TUBA1A: variants seen among roughly 807,000 people sequenced by gnomAD.
The protein encoded by TUBA1A is tubulin alpha-1A chain.
A neutral mutation model predicts 34.6 loss-of-function variants in TUBA1A; 7 were observed. That is an observed-to-expected ratio of 0.20 (90% CI 0.11 to 0.38). TUBA1A has a LOEUF of 0.38. TUBA1A is among the 10% of genes least tolerant of loss of function. The pLI is 1.00. For missense variants in TUBA1A, 19 were observed against 581.3 expected, an observed-to-expected ratio of 0.03 and a Z score of 9.95; for synonymous variants, 193 against 210.2, an observed-to-expected ratio of 0.92 and a Z score of 0.71.
Position 49,188,270 on chromosome 12 carries a change from G to GT in TUBA1A, c.3+706dup, listed in dbSNP as rs879662791. The GT allele has an allele frequency of 4.8e-3, 6,406 of 1,340,800 alleles. 11 individuals are homozygous for GT. Among genetic ancestry groups the GT allele is most frequent in the South Asian group, 0.01 (603 of 59,656 alleles). The allele number at this position is 1,340,800 out of a possible 1,614,324, so 83.1% of individuals were successfully genotyped here. A position where few individuals can be genotyped will look rare whatever the true frequency, so the allele number is the denominator to read the frequency against. On this transcript the variant is annotated intron_variant, in intron 1 of 3. Transcript: ENST00000301071. This position sits in a 1 kb window ranked among gnomAD's most constrained non-coding sequence, Gnocchi z 4.9. ...TTCCGCAATGATGAAAGGTTTTTTTGTTTTTTTTTCAGTCAGCTCCTGACA... is the reference window on the plus strand; with the variant it reads ...TTCCGCAATGATGAAAGGTTTTTTTGTTTTTTTTTTCAGTCAGCTCCTGACA...
In TUBA1A at chr12:49,188,466, CG is replaced by C; in HGVS notation, c.3+510del. The C allele has an allele frequency of 6.5e-7, 1 of 1,535,548 alleles. No homozygotes were observed. Among genetic ancestry groups the C allele is most frequent in the Non-Finnish European group, 8.7e-7 (1 of 1,146,540 alleles). On this transcript the variant is annotated intron_variant, in intron 1 of 3. Transcript: ENST00000301071. This position sits in a 1 kb window ranked among gnomAD's most constrained non-coding sequence, Gnocchi z 4.9. The stretch of plus-strand genomic sequence containing the variant: ...TATCTTTCCAAAACGCCAAAGACCG[CG>C]GAGGGTCTTCCCACGCTAACCCTAG...
chr12:49,186,905 A>G lies in TUBA1A; in HGVS notation c.4-72T>C. ...CATTTCAAACTTATAGGAAATTTCA[A>G]AAATATTTCTAATAATATACAGATA... On this transcript the variant is annotated intron_variant, in intron 1 of 3. Transcript: ENST00000301071. This position sits in a 1 kb window ranked among gnomAD's most constrained non-coding sequence, Gnocchi z 6.6. The G allele has an allele frequency of 3.2e-6, 5 of 1,583,596 alleles. No individual in the cohort carries two copies. Among genetic ancestry groups the G allele is most frequent in the Non-Finnish European group, 4.3e-6 (5 of 1,166,430 alleles).
Position 49,188,011 on chromosome 12 carries a change from G to A in TUBA1A, c.3+966C>T. 1 of 969,592 alleles carries A rather than the reference G, an allele frequency of 1.0e-6. No homozygotes were observed. The highest frequency in any genetic ancestry group is 1.2e-6 in the Non-Finnish European group (1 of 826,446). The allele number at this position is 969,592 out of a possible 1,614,324, so 60.1% of individuals were successfully genotyped here. ...TCTCCCTCGCTGAACGTGCAGTCCA[G>A]ACAGACAGACAGACACACACACACA... On this transcript the variant is annotated intron_variant, in intron 1 of 3. Transcript: ENST00000301071. The surrounding 1 kb of genome is among the most constrained non-coding windows in gnomAD (Gnocchi z 4.9).
chr12:49,188,196 A>G lies in TUBA1A; in HGVS notation c.3+781T>C. On this transcript the variant is annotated intron_variant, in intron 1 of 3. Transcript: ENST00000301071. This position sits in a 1 kb window ranked among gnomAD's most constrained non-coding sequence, Gnocchi z 4.9. ...ATTATGATTTTGCTCAAGAAAAAAAAAAGTCATCTAACTTATAATAGTGAA... is the reference window on the plus strand; with the variant it reads ...ATTATGATTTTGCTCAAGAAAAAAAGAAGTCATCTAACTTATAATAGTGAA... The G allele has an allele frequency of 1.0e-6, 1 of 985,392 alleles. No homozygotes were observed. The highest frequency in any genetic ancestry group is 1.2e-6 in the Non-Finnish European group (1 of 829,914). 61.0% of individuals were successfully genotyped at this position (985,392 alleles called of 1,614,324 possible).
In TUBA1A at chr12:49,188,715, C is replaced by T. The variant is rs1000998665; in HGVS notation, c.3+262G>A. On this transcript the variant is annotated intron_variant, in intron 1 of 3. Coordinates refer to ENST00000301071, the MANE Select transcript of TUBA1A (RefSeq NM_006009.4). The surrounding 1 kb of genome is among the most constrained non-coding windows in gnomAD (Gnocchi z 4.9). ...CTGCCCGCGGCCCCCGAAAGTCTCT[C>T]GGATAACACAGGCGCCTAGGCGCCG... The T allele has an allele frequency of 5.5e-6, 8 of 1,443,314 alleles. No homozygotes were observed. Among genetic ancestry groups the T allele is most frequent in the African/African-American group, 1.4e-5 (1 of 69,744 alleles). The allele number at this position is 1,443,314 out of a possible 1,614,324, so 89.4% of individuals were successfully genotyped here.
intron 1 of TUBA1A, chr12:49,187,477 C>T: frequency 1.0e-6 from 1 of 986,326 alleles, no homozygotes; most frequent in African/African-American, 1.7e-5. Context: ...GCCAGTTTTC[C>T]TCCTCTGACC....
chr12:49,185,760 G>A lies in TUBA1A; in HGVS notation c.606C>T (p.Phe202=). ...CATAGATGGCCTCATTGTCTACCAT[G>A]AAGGCACAATCAGAGTGCTCCAGGG... ...HTTLEHSDCA[F]MVDNEAIYDI... is the part of the protein sequence containing the mutation. The change falls in exon 4 of 4, where the codon TTC becomes TTT. Residue 202 remains phenylalanine, a synonymous_variant. Coordinates refer to ENST00000301071, the MANE Select transcript of TUBA1A (RefSeq NM_006009.4). 1.9e-6 allele frequency: 3 copies of A among 1,614,046 alleles called. No homozygotes were observed. The highest frequency in any genetic ancestry group is 2.5e-6 in the Non-Finnish European group (3 of 1,180,014).
Position 49,186,990 on chromosome 12 carries a change from C to T in TUBA1A, c.4-157G>A. On this transcript the variant is annotated intron_variant, in intron 1 of 3. Transcript: ENST00000301071. This position sits in a 1 kb window ranked among gnomAD's most constrained non-coding sequence, Gnocchi z 6.6. ...CGATACAAAGATTAAGGAAAATCAC[C>T]TGCTACAAATGCTGCATATGGGTGT... The T allele has an allele frequency of 6.7e-7, 1 of 1,491,708 alleles. No homozygotes were observed. The highest frequency in any genetic ancestry group is 8.9e-7 in the Non-Finnish European group (1 of 1,127,422). The allele number at this position is 1,491,708 out of a possible 1,614,324, so 92.4% of individuals were successfully genotyped here.
intron 1 of TUBA1A, chr12:49,187,346 T>TCTGCATTG (rs771460353): frequency 2.6e-4 from 271 of 1,036,016 alleles, no homozygotes; most frequent in Non-Finnish European, 2.9e-4. Flanking sequence ...AGGTCTGCCT[T>TCTGCATTG]CTGCATTGCT....
chr12:49,188,077 G>GACACACAGAC lies in TUBA1A; in HGVS notation c.3+899_3+900insGTCTGTGTGT, dbSNP rs1555162714. ...GTCGGTCAGGGCAGGGCGTCCCACA[G>GACACACAGAC]ACACACACACACACACACACACACA... On this transcript the variant is annotated intron_variant, in intron 1 of 3. Transcript: ENST00000301071. The surrounding 1 kb of genome is among the most constrained non-coding windows in gnomAD (Gnocchi z 4.9). 2.3e-6 allele frequency: 2 copies of GACACACAGAC among 852,966 alleles called. No individual in the cohort carries two copies. The highest frequency in any genetic ancestry group is 4.7e-5 in the African/African-American group (2 of 42,248). The allele number at this position is 852,966 out of a possible 1,614,324, so 52.8% of individuals were successfully genotyped here. A position where few individuals can be genotyped will look rare whatever the true frequency, so the allele number is the denominator to read the frequency against.
Position 49,186,295 on chromosome 12 carries a change from T to C in TUBA1A, c.375+15A>G. On this transcript the variant is annotated intron_variant, in intron 3 of 3. Transcript: ENST00000301071. This position sits in a 1 kb window ranked among gnomAD's most constrained non-coding sequence, Gnocchi z 6.6. Reference sequence around the variant, plus strand: ...TAGGCTCATTAATTTACTTTATTCTTGAAAAGAAACATACCAGCTTGCGAA... The same window carrying C: ...TAGGCTCATTAATTTACTTTATTCTCGAAAAGAAACATACCAGCTTGCGAA... The C allele has an allele frequency of 6.2e-7, 1 of 1,612,902 alleles. No individual in the cohort carries two copies.
At position 49,185,895 on chromosome 12, in the gene TUBA1A, G is replaced by A. The variant is rs753969793; in HGVS notation, c.471C>T (p.Leu157=). Residue 157 remains leucine, a synonymous_variant, in exon 4 of 4, where the codon CTC becomes CTT. Transcript: ENST00000301071. The part of the protein sequence containing the change: ...SGFTSLLMER[L]SVDYGKKSKL... ...TGGACTTCTTGCCATAATCAACTGA[G>A]AGACGTTCCATGAGCAGCGAGGTGA... 14 of 1,614,042 alleles carry A rather than the reference G, an allele frequency of 8.7e-6. No individual in the cohort carries two copies. The highest frequency in any genetic ancestry group is 1.2e-5 in the Non-Finnish European group (14 of 1,180,006).
chr12:49,188,876 C>G lies in TUBA1A; in HGVS notation c.3+101G>C. 1 of 1,612,858 alleles carries G rather than the reference C, an allele frequency of 6.2e-7. No individual in the cohort carries two copies. Among genetic ancestry groups the G allele is most frequent in the Non-Finnish European group, 8.5e-7 (1 of 1,179,936 alleles). On this transcript the variant is annotated intron_variant, in intron 1 of 3. Transcript: ENST00000301071. The surrounding 1 kb of genome is among the most constrained non-coding windows in gnomAD (Gnocchi z 4.9). The stretch of plus-strand genomic sequence containing the variant: ...TCACAAAACATACCACCACCCTCGC[C>G]CAGAGAGCTTACGAAAGAAAAGAGC...
chr12:49,187,102 T>G (rs958700744), intron 1 of TUBA1A: 25 of 1,337,526 alleles, frequency 1.9e-5, no homozygotes, highest in Non-Finnish European at 2.0e-5. Context: ...AGAAGATTTT[T>G]CATATTTAAA....
Position 49,188,882 on chromosome 12 carries a change from A to C in TUBA1A, c.3+95T>G. 3.7e-6 allele frequency: 6 copies of C among 1,613,326 alleles called. No individual in the cohort carries two copies. Among genetic ancestry groups the C allele is most frequent in the Non-Finnish European group, 4.2e-6 (5 of 1,179,972 alleles). The stretch of plus-strand genomic sequence containing the variant: ...AACATACCACCACCCTCGCCCAGAG[A>C]GCTTACGAAAGAAAAGAGCTTAAAG... On this transcript the variant is annotated intron_variant, in intron 1 of 3. Coordinates refer to ENST00000301071, the MANE Select transcript of TUBA1A (RefSeq NM_006009.4). This position sits in a 1 kb window ranked among gnomAD's most constrained non-coding sequence, Gnocchi z 4.9.
intron 1 of TUBA1A, chr12:49,187,108 T>C: frequency 3.0e-6 from 4 of 1,324,906 alleles, no homozygotes; most frequent in Non-Finnish European, 3.9e-6. Context: ...TTTTTCATAT[T>C]TAAAAAGTAT....
At position 49,189,063 on chromosome 12, in the gene TUBA1A, CGAT is replaced by C; in HGVS notation, c.-87_-85del. 1 of 1,583,652 alleles carries C rather than the reference CGAT, an allele frequency of 6.3e-7. No homozygotes were observed. The highest frequency in any genetic ancestry group is 8.7e-7 in the Non-Finnish European group (1 of 1,152,576). On this transcript the variant is annotated 5_prime_UTR_variant, in exon 1 of 4. Transcript: ENST00000301071. ...TCTTACAGCGCGACTCTTAGGCGGT[CGAT>C]GTAAGAGAACCTGCGGCACATAGGC...
intron 1 of TUBA1A, chr12:49,187,977 A>C (rs1942201675): frequency 1.0e-6 from 1 of 983,832 alleles, no homozygotes; most frequent in Non-Finnish European, 1.2e-6. Context: ...GGGCTCACAA[A>C]GTGGGCTTTC....
In TUBA1A at chr12:49,188,874, G is replaced by C; in HGVS notation, c.3+103C>G. 6.2e-7 allele frequency: 1 copy of C among 1,612,374 alleles called. No individual in the cohort carries two copies. The highest frequency in any genetic ancestry group is 1.1e-5 in the South Asian group (1 of 91,076). On this transcript the variant is annotated intron_variant, in intron 1 of 3. Coordinates refer to ENST00000301071, the MANE Select transcript of TUBA1A (RefSeq NM_006009.4). The surrounding 1 kb of genome is among the most constrained non-coding windows in gnomAD (Gnocchi z 4.9). ...CCTCACAAAACATACCACCACCCTC[G>C]CCCAGAGAGCTTACGAAAGAAAAGA...
Sources: gnomAD v4.1 joint callset for allele counts on GRCh38, gnomAD v4.1.1 for gene constraint, Gnocchi (gnomAD v3.1) non-coding constraint, MANE v1.5 for transcripts, NCBI Gene and HGNC (gene_info 2026-07-23, HGNC 2026-07-21) for gene names.